Variants in ARMC2 observed in about 807,000 individuals in gnomAD.
ARMC2 encodes the protein armadillo repeat-containing protein 2.
Under a neutral mutation model 90.3 loss-of-function variants are expected in ARMC2, and 67 were observed. The observed-to-expected ratio is 0.74, with a 90% CI of 0.61 to 0.91. ARMC2 has a LOEUF of 0.91. ARMC2 is among the 40% of genes least tolerant of loss of function. The pLI is 0.00. For synonymous variants in ARMC2, 393 were observed against 393.0 expected, an observed-to-expected ratio of 1.00 and a Z score of 0.00; for missense variants, 920 against 1,030.9, an observed-to-expected ratio of 0.89 and a Z score of 1.47.
the ARMC2 span, among the ~76,000 whole-genome samples, chr6:109,028,794 G>A: frequency 1.3e-5 from 2 of 152,168 alleles, no homozygotes; most frequent in African/African-American, 4.8e-5. Flanking sequence ...CAGTGCACTG[G>A]AAAAAGAGAC....
chr6:109,013,070 C>G, the ARMC2 span, among the ~76,000 whole-genome samples: 1 of 149,950 alleles, frequency 6.7e-6, no homozygotes, highest in Non-Finnish European at 1.5e-5. Context: ...GAGCCAAGAT[C>G]GCACCATTGC....
chr6:109,013,850 A>C, the ARMC2 span, among the ~76,000 whole-genome samples: 3 of 152,082 alleles, frequency 2.0e-5, no homozygotes, highest in Admixed American at 2.0e-4. Flanking sequence ...CTGCTTACTA[A>C]TTTTGTCTAG....
Position 108,854,238 on chromosome 6 carries a change from T to C in ARMC2, c.-30T>C, listed in dbSNP as rs77962707. 3,352 of 1,525,312 alleles carry C rather than the reference T, an allele frequency of 2.2e-3. 63 individuals carry two copies. In the African/African-American group the frequency reaches 0.042, roughly 19 times the overall value. 94.5% of individuals were successfully genotyped at this position (1,525,312 alleles called of 1,614,324 possible). A position where few individuals can be genotyped will look rare whatever the true frequency, so the allele number is the denominator to read the frequency against. On this transcript the variant is annotated 5_prime_UTR_variant, in exon 2 of 18. Coordinates refer to ENST00000392644, the MANE Select transcript of ARMC2 (RefSeq NM_032131.6). ...ATGTATTTGCAGGGTGTGGTGTCTA[T>C]CTGAAGAATATTTTACTTTCAAAGG...
chr6:108,960,125 T>C (rs1777883450), intron 13 of ARMC2, among the ~76,000 whole-genome samples: 1 of 152,198 alleles, frequency 6.6e-6, no homozygotes, highest in South Asian at 2.1e-4. Flanking sequence ...TAAGCTGAAT[T>C]CATGACCTGT....
chr6:109,036,979 A>G, the ARMC2 span, among the ~76,000 whole-genome samples: 2 of 152,236 alleles, frequency 1.3e-5, no homozygotes, highest in African/African-American at 4.8e-5. Context: ...TCAGCACCTC[A>G]GTTAGGAAAC....
the ARMC2 span, among the ~76,000 whole-genome samples, chr6:109,005,110 A>T: frequency 1.3e-5 from 2 of 152,242 alleles, no homozygotes; most frequent in Non-Finnish European, 2.9e-5. Context: ...GTGAAATGCC[A>T]TACGTAAAAG....
At chr6:109,009,492 G>A in the ARMC2 span, 9 of 1,231,542 alleles carry the variant, frequency 7.3e-6, no homozygotes, top group South Asian at 3.3e-5. Context: ...GACGCGCGGA[G>A]GCGGCGAGCG....
At chr6:108,988,511 T>A in the ARMC2 span, 1 of 1,572,294 alleles carries the variant, frequency 6.4e-7, no homozygotes, top group Non-Finnish European at 8.6e-7. Flanking sequence ...ATTGCTAAGT[T>A]ACAAAGTAAA....
At position 108,893,464 on chromosome 6, in the gene ARMC2, G is replaced by A. The variant is rs115867804; in HGVS notation, c.672-1003G>A. ...GACAGTTTCTTTATCTGCAGGGATC[G>A]GGGAAGGGAGGAAGAGAGAAAAAGA... On this transcript the variant is annotated intron_variant, in intron 5 of 17. Coordinates refer to ENST00000392644, the MANE Select transcript of ARMC2 (RefSeq NM_032131.6). 7.8e-3 allele frequency among the ~76,000 whole-genome samples: 1,195 copies of A among 152,254 alleles called. 14 individuals carry two copies. Among genetic ancestry groups the A allele is most frequent in the African/African-American group, 0.028 (1,154 of 41,534 alleles).
the ARMC2 span, among the ~76,000 whole-genome samples, chr6:108,983,021 G>A: frequency 1.3e-5 from 2 of 151,450 alleles, no homozygotes; most frequent in Non-Finnish European, 2.9e-5. Flanking sequence ...GTTTTCCTAT[G>A]TTGGCCAGGA....
At chr6:108,973,316 C>T in intron 17 of ARMC2, 41 bp from the exon 18 acceptor site, 1 of 1,541,330 alleles carries the variant, frequency 6.5e-7, no homozygotes, top group South Asian at 1.2e-5. Flanking sequence ...AATAGGATTA[C>T]ATTTCTAAAT....
chr6:108,916,625 A>G (rs1773997291), intron 10 of ARMC2, among the ~76,000 whole-genome samples: 1 of 152,210 alleles, frequency 6.6e-6, no homozygotes, highest in Admixed American at 6.5e-5. Context: ...ATATAGGCCA[A>G]CTAACAGGCA....
intron 17 of ARMC2, among the ~76,000 whole-genome samples, chr6:108,965,341 C>T (rs1024393932): frequency 6.9e-6 from 1 of 145,182 alleles, no homozygotes; most frequent in Admixed American, 6.9e-5. Flanking sequence ...ACTTTCAACT[C>T]ATTAGATACA....
At chr6:109,050,416 T>C in the ARMC2 span, among the ~76,000 whole-genome samples, 7 of 150,170 alleles carry the variant, frequency 4.7e-5, no homozygotes, top group Admixed American at 4.0e-4. Context: ...GTCATTTTAA[T>C]GTACAGTGAA....
the ARMC2 span, chr6:108,998,894 A>G: frequency 9.6e-7 from 1 of 1,039,470 alleles, no homozygotes; most frequent in African/African-American, 1.6e-5. Context: ...AAACATGTAG[A>G]ACCCAGAATT....
chr6:108,869,806 A>G (rs572192185), intron 4 of ARMC2, among the ~76,000 whole-genome samples: 67 of 152,236 alleles, frequency 4.4e-4, no homozygotes, highest in African/African-American at 1.5e-3. Context: ...CCCACCAACA[A>G]TTGGAATCAC....
chr6:109,050,527 T>C, the ARMC2 span, among the ~76,000 whole-genome samples: 5 of 152,160 alleles, frequency 3.3e-5, no homozygotes, highest in Non-Finnish European at 7.3e-5. Context: ...GAAAAATTAG[T>C]TGGACTGGTC....
intron 5 of ARMC2, among the ~76,000 whole-genome samples, chr6:108,881,319 C>CTTCCTTCCTTCCT (rs1777560389): frequency 1.7e-4 from 3 of 17,744 alleles, no homozygotes; most frequent in South Asian, 2.7e-3. Context: ...CCTTCCTTCA[C>CTTCCTTCCTTCCT]TCCTTCCTTC....
At chr6:108,962,745 C>G (rs1778086617) in intron 15 of ARMC2, among the ~76,000 whole-genome samples, 1 of 152,144 alleles carries the variant, frequency 6.6e-6, no homozygotes, top group South Asian at 2.1e-4. Context: ...TGGTTCAAGC[C>G]TGTAATACCA....
Sources: gnomAD v4.1 joint callset for allele counts (sites outside exome capture counted in the v4.1 genomes callset) on GRCh38, gnomAD v4.1.1 for gene constraint, MANE v1.5 for transcripts, NCBI Gene and HGNC (gene_info 2026-07-23, HGNC 2026-07-21) for gene names.